The following ACYP2 variants were observed in gnomAD, a reference collection of about 807,000 sequenced individuals.
The protein encoded by ACYP2 is acylphosphatase-2.
In ACYP2, 12 loss-of-function variants were observed where a neutral mutation model predicts 11.2. The observed-to-expected ratio is 1.08, with a 90% confidence interval of 0.69 to 1.74. ACYP2 has a LOEUF of 1.74. ACYP2 is among the 40% of genes most tolerant of loss of function. The pLI is 0.00. For synonymous variants in ACYP2, 43 were observed against 32.2 expected (o/e 1.33, Z -1.13); for missense variants, 134 against 101.9 (o/e 1.31, Z -1.35).
At chr2:53,991,018 G>C (rs1352219167) in intron 2 of ACYP2, among the ~76,000 whole-genome samples, 1 of 152,126 alleles carries the variant, frequency 6.6e-6, no homozygotes, top group Non-Finnish European at 1.5e-5. Context: ...GGATAGTCTA[G>C]ATCTCCTGAC....
chr2:54,126,235 C>CA (rs1261814351), intron 4 of ACYP2, among the ~76,000 whole-genome samples: 1 of 152,112 alleles, frequency 6.6e-6, no homozygotes, highest in African/African-American at 2.4e-5. Context: ...TGATGACAGT[C>CA]ACATAGGTGT....
At chr2:53,980,376 T>C (rs952752085) in intron 2 of ACYP2, among the ~76,000 whole-genome samples, 4 of 151,256 alleles carry the variant, frequency 2.6e-5, no homozygotes, top group African/African-American at 9.7e-5. Context: ...TTTTTTTTTA[T>C]AAAAAGAAAA....
intron 6 of ACYP2, chr2:54,142,091 A>G: frequency 2.5e-6 from 1 of 394,128 alleles, no homozygotes. Context: ...TCAGGCTGGT[A>G]TAGGACTCTT....
chr2:54,202,876 A>C (rs546983725), intron 6 of ACYP2, among the ~76,000 whole-genome samples: 1 of 151,586 alleles, frequency 6.6e-6, no homozygotes, highest in South Asian at 2.1e-4. Flanking sequence ...CTGTAGTTTT[A>C]TAGTAAGTTT....
At chr2:54,174,255 G>T (rs1487962718) in intron 6 of ACYP2, among the ~76,000 whole-genome samples, 1 of 152,156 alleles carries the variant, frequency 6.6e-6, no homozygotes, top group Admixed American at 6.6e-5. Context: ...CACATCCCTT[G>T]TAAGTTGGAT....
intron 4 of ACYP2, among the ~76,000 whole-genome samples, chr2:54,107,035 G>C (rs1035040066): frequency 6.6e-6 from 1 of 152,152 alleles, no homozygotes; most frequent in African/African-American, 2.4e-5. Flanking sequence ...TATTTTAGAA[G>C]TGTGTCACCG....
intron 2 of ACYP2, among the ~76,000 whole-genome samples, chr2:54,037,280 T>G (rs1674953607): frequency 1.3e-5 from 2 of 151,794 alleles, no homozygotes; most frequent in African/African-American, 2.4e-5. Context: ...GCCTGTCTAA[T>G]TTTTTTGTAT....
chr2:54,270,906 AATCTGTT>A (rs1558658893), intron 6 of ACYP2, among the ~76,000 whole-genome samples: 1 of 152,050 alleles, frequency 6.6e-6, no homozygotes, highest in Non-Finnish European at 1.5e-5. Context: ...TATATATCTA[AATCTGTT>A]TATCTTGTTT....
chr2:54,266,953 C>T (rs990705682), intron 6 of ACYP2, among the ~76,000 whole-genome samples: 7 of 152,076 alleles, frequency 4.6e-5, no homozygotes, highest in African/African-American at 1.2e-4. Flanking sequence ...TAGGAAATGG[C>T]GAGGCGAAGA....
At chr2:54,274,510 G>A (rs1688459281) in intron 6 of ACYP2, among the ~76,000 whole-genome samples, 2 of 151,206 alleles carry the variant, frequency 1.3e-5, no homozygotes, top group Non-Finnish European at 2.9e-5. Context: ...GTACGGTGGT[G>A]CACACCTGTG....
intron 6 of ACYP2, among the ~76,000 whole-genome samples, chr2:54,197,346 G>T (rs1351881): frequency 0.28 from 42,339 of 152,088 alleles, 6,073 homozygotes; most frequent in South Asian, 0.44. Flanking sequence ...GGGGTTGCGG[G>T]GGAGGAAGCT....
At chr2:54,105,155 CT>C (rs1246529067) in intron 4 of ACYP2, among the ~76,000 whole-genome samples, 1 of 152,206 alleles carries the variant, frequency 6.6e-6, no homozygotes, top group Non-Finnish European at 1.5e-5. Context: ...TCTTCCCCGG[CT>C]TCCCACTGTA....
intron 4 of ACYP2, chr2:54,079,893 A>G (rs1340816127): frequency 6.7e-6 from 1 of 150,174 alleles, no homozygotes; most frequent in Non-Finnish European, 1.5e-5. Flanking sequence ...AACAACAATA[A>G]TATTTTAAAT....
At chr2:54,137,124 A>AT (rs1681293083) in intron 5 of ACYP2, among the ~76,000 whole-genome samples, 1 of 152,070 alleles carries the variant, frequency 6.6e-6, no homozygotes, top group Admixed American at 6.5e-5. Flanking sequence ...ACTATTAATA[A>AT]TAATAGGAGA....
Position 53,982,828 on chromosome 2 carries a change from CTGTGTGTGTGTGTGTGTG to C in ACYP2, c.62+9047_62+9064del, listed in dbSNP as rs3066946. Among the ~76,000 whole-genome samples the C allele has an allele frequency of 6.7e-3, 949 of 140,610 alleles. 14 individuals are homozygous for C. The highest frequency in any genetic ancestry group is 0.025 in the African/African-American group (904 of 36,776). 92.2% of individuals were successfully genotyped at this position (140,610 alleles called of 152,430 possible). On this transcript the variant is annotated intron_variant, in intron 2 of 6. Transcript: ENST00000607452. ...CATACAACAAATCCTTCACACAAGACTGTGTGTGTGTGTGTGTGTGTGTGTGTGTGTGTGTGTGTGTGT... is the reference window on the plus strand; with the variant it reads ...CATACAACAAATCCTTCACACAAGACTGTGTGTGTGTGTGTGTGTGTGTGT...
chr2:54,068,300 A>G (rs1437442342), intron 4 of ACYP2, among the ~76,000 whole-genome samples: 14 of 152,198 alleles, frequency 9.2e-5, no homozygotes, highest in Admixed American at 4.6e-4. Flanking sequence ...TCTACCTTAT[A>G]AAAGACCCGT....
chr2:53,972,799 A>G (rs574966263), intron 1 of ACYP2, among the ~76,000 whole-genome samples: 3 of 152,326 alleles, frequency 2.0e-5, no homozygotes, highest in African/African-American at 7.2e-5. Flanking sequence ...AAGAGACAAG[A>G]CGACGCTGGG....
In ACYP2 at chr2:54,136,546, G is replaced by A. The variant is rs1249223936; in HGVS notation, c.294+1077G>A. Among the ~76,000 whole-genome samples, 4 of 152,222 alleles carry A rather than the reference G, an allele frequency of 2.6e-5. No individual in the cohort carries two copies. The East Asian group carries it at 7.7e-4, about 29-fold the overall frequency. ...TTTCGTTATTATCTAATAAGAAAGTGACTTATTTTCAGGGCCACGTCTTAC... is the reference window on the plus strand; with the variant it reads ...TTTCGTTATTATCTAATAAGAAAGTAACTTATTTTCAGGGCCACGTCTTAC... On this transcript the variant is annotated intron_variant, in intron 5 of 6. Transcript: ENST00000607452.
At chr2:54,063,363 A>G (rs1931496488) in intron 4 of ACYP2, among the ~76,000 whole-genome samples, 1 of 152,178 alleles carries the variant, frequency 6.6e-6, no homozygotes, top group South Asian at 2.1e-4. Context: ...ATATCCTAAA[A>G]TAAAAGACAC....
Sources: allele counts gnomAD v4.1 joint callset (sites outside exome capture counted in the v4.1 genomes callset), GRCh38; gene constraint gnomAD v4.1.1; transcripts MANE v1.5; gene names NCBI Gene and HGNC (gene_info 2026-07-23, HGNC 2026-07-21).